Variants in C12orf42 observed in about 807,000 individuals in gnomAD.
C12orf42 encodes chromosome 12 open reading frame 42.
Under a neutral mutation model 21.6 loss-of-function variants are expected in C12orf42, and 25 were observed. That is an observed-to-expected ratio of 1.16 (90% confidence interval 0.84 to 1.62). The LOEUF is 1.62. C12orf42 is among the 40% of genes most tolerant of loss of function. The pLI is 0.00. For synonymous variants in C12orf42, 174 were observed against 175.0 expected (o/e 0.99, Z 0.05); for missense variants, 483 against 459.3 (o/e 1.05, Z -0.47).
downstream of C12orf42, among the ~76,000 whole-genome samples, chr12:103,236,846 T>C (rs1169565567): frequency 1.3e-5 from 2 of 152,162 alleles, no homozygotes; most frequent in African/African-American, 4.8e-5. Context: ...AGGTTTATCT[T>C]TGTCAAAGAA....
chr12:103,059,506 C>T, the C12orf42 span, among the ~76,000 whole-genome samples: 1 of 152,154 alleles, frequency 6.6e-6, no homozygotes, highest in Non-Finnish European at 1.5e-5. Flanking sequence ...ATACCAAAAC[C>T]TGGCAGGCAC....
intron 1 of C12orf42, among the ~76,000 whole-genome samples, chr12:103,492,815 G>A (rs1039126505): frequency 3.9e-5 from 6 of 152,010 alleles, no homozygotes; most frequent in Admixed American, 1.3e-4. Context: ...TTAACCCGTC[G>A]AATTATTGAT....
the C12orf42 span, among the ~76,000 whole-genome samples, chr12:103,220,733 CT>C: frequency 1.3e-5 from 2 of 152,148 alleles, no homozygotes; most frequent in Non-Finnish European, 2.9e-5. Flanking sequence ...GTATCTTCCT[CT>C]CTCTATCAGT....
At chr12:103,137,128 C>T in the C12orf42 span, among the ~76,000 whole-genome samples, 1 of 152,040 alleles carries the variant, frequency 6.6e-6, no homozygotes, top group Non-Finnish European at 1.5e-5. Flanking sequence ...ACTATTCATT[C>T]AAGGAACTAA....
chr12:103,176,381 A>T, the C12orf42 span, among the ~76,000 whole-genome samples: 1 of 152,134 alleles, frequency 6.6e-6, no homozygotes, highest in Admixed American at 6.6e-5. Context: ...CTATGCCTCA[A>T]CTTCTCATAT....
At chr12:103,394,968 A>G (rs2047391692) in intron 3 of C12orf42, among the ~76,000 whole-genome samples, 1 of 152,242 alleles carries the variant, frequency 6.6e-6, no homozygotes, top group African/African-American at 2.4e-5. Flanking sequence ...GGCTCACCAG[A>G]GTGCCTCCAG....
At chr12:103,143,022 G>A in the C12orf42 span, among the ~76,000 whole-genome samples, 1 of 152,170 alleles carries the variant, frequency 6.6e-6, no homozygotes, top group African/African-American at 2.4e-5. Context: ...GCTGGGGTTA[G>A]TTTAAAAATA....
chr12:103,361,046 C>A (rs888430161), intron 4 of C12orf42, among the ~76,000 whole-genome samples: 4 of 152,108 alleles, frequency 2.6e-5, no homozygotes, highest in Non-Finnish European at 5.9e-5. Flanking sequence ...GCAGCTCTCA[C>A]TGGGACAGAC....
chr12:103,209,957 TG>T, the C12orf42 span, among the ~76,000 whole-genome samples: 9 of 152,204 alleles, frequency 5.9e-5, no homozygotes, highest in Non-Finnish European at 1.0e-4. Context: ...ATGGAATAAA[TG>T]TGTTTAAACA....
intron 3 of C12orf42, among the ~76,000 whole-genome samples, chr12:103,377,163 G>C (rs1414270666): frequency 6.6e-6 from 1 of 152,006 alleles, no homozygotes; most frequent in Non-Finnish European, 1.5e-5. Context: ...GCTTGCCTTA[G>C]TAGTGTTAGA....
chr12:103,489,556 G>A (rs1292796248), intron 1 of C12orf42, among the ~76,000 whole-genome samples: 1 of 152,248 alleles, frequency 6.6e-6, no homozygotes, highest in Non-Finnish European at 1.5e-5. Context: ...CCTGCCCAAA[G>A]AAGTGCCTCT....
At chr12:103,162,814 G>T in the C12orf42 span, 1 of 152,160 alleles carries the variant, frequency 6.6e-6, no homozygotes, top group African/African-American at 2.4e-5. Context: ...GAATCAGCCT[G>T]CAGGCAACCC....
intron 2 of C12orf42, among the ~76,000 whole-genome samples, chr12:103,419,542 G>T (rs1242723840): frequency 6.6e-6 from 1 of 152,062 alleles, no homozygotes; most frequent in South Asian, 2.1e-4. Flanking sequence ...ACCCACCATG[G>T]ATCACGGTGG....
At chr12:103,407,729 T>A (rs765215125) in intron 2 of C12orf42, among the ~76,000 whole-genome samples, 2 of 152,148 alleles carry the variant, frequency 1.3e-5, no homozygotes, top group East Asian at 3.9e-4. Context: ...CACCCCAACC[T>A]TCATGCTGTT....
chr12:103,262,552 A>T (rs895479419), intron 10 of C12orf42: 18 of 152,080 alleles, frequency 1.2e-4, no homozygotes, highest in African/African-American at 4.1e-4. Flanking sequence ...CTTTTTATTA[A>T]TTTTTTGTAT....
At chr12:103,437,100 C>G (rs1488388941) in intron 2 of C12orf42, among the ~76,000 whole-genome samples, 1 of 151,852 alleles carries the variant, frequency 6.6e-6, no homozygotes, top group Non-Finnish European at 1.5e-5. Context: ...GATTAAGAAT[C>G]TCGCTCAAAA....
the C12orf42 span, among the ~76,000 whole-genome samples, chr12:103,563,414 CAG>C: frequency 6.6e-6 from 1 of 152,188 alleles, no homozygotes; most frequent in Non-Finnish European, 1.5e-5. Flanking sequence ...AGGGGTAGAA[CAG>C]AAATGAAATT....
intron 2 of C12orf42, among the ~76,000 whole-genome samples, chr12:103,414,465 C>T (rs939038570): frequency 1.1e-4 from 16 of 152,090 alleles, no homozygotes; most frequent in Admixed American, 3.3e-4. Flanking sequence ...AGCATTGAAT[C>T]CGTACATTTC....
At chr12:103,143,600 T>C in the C12orf42 span, among the ~76,000 whole-genome samples, 1 of 152,212 alleles carries the variant, frequency 6.6e-6, no homozygotes, top group Non-Finnish European at 1.5e-5. Context: ...TTTTAAGGCC[T>C]CAATCCATTT....
Sources: allele counts gnomAD v4.1 joint callset (sites outside exome capture counted in the v4.1 genomes callset), GRCh38; gene constraint gnomAD v4.1.1; transcripts MANE v1.5; gene names NCBI Gene and HGNC (gene_info 2026-07-23, HGNC 2026-07-21).